DCAF6: variants seen among roughly 807,000 people sequenced by gnomAD.
The protein encoded by DCAF6 is DDB1 and CUL4 associated factor 6.
A neutral mutation model predicts 125.1 loss-of-function variants in DCAF6; 54 were observed. The observed-to-expected ratio is 0.43, with a 90% CI of 0.35 to 0.54. The LOEUF is 0.54. Ranked by LOEUF, DCAF6 falls within the 20% of genes least tolerant of loss-of-function variation. The pLI, the probability that DCAF6 is intolerant of heterozygous loss-of-function variation, is 0.01. For missense variants in DCAF6, 934 were observed against 1,161.7 expected (o/e 0.80, Z 2.85); for synonymous variants, 371 against 390.4 (o/e 0.95, Z 0.58).
chr1:168,030,251 GACA>G (rs1686897906), intron 12 of DCAF6, among the ~76,000 whole-genome samples: 1 of 152,184 alleles, frequency 6.6e-6, no homozygotes, highest in East Asian at 1.9e-4. Flanking sequence ...CTGAGGAAGA[GACA>G]TTAAGCTGAG....
chr1:167,896,674 T>A, the DCAF6 span: 2 of 1,611,806 alleles, frequency 1.2e-6, no homozygotes, highest in African/African-American at 2.7e-5. Flanking sequence ...AATTGGGGGG[T>A]GGTTTTAAGA....
At chr1:168,004,349 A>G (rs890762773) in intron 9 of DCAF6, among the ~76,000 whole-genome samples, 184 bp from the exon 10 acceptor site, 1 of 152,158 alleles carries the variant, frequency 6.6e-6, no homozygotes, top group African/African-American at 2.4e-5. Flanking sequence ...TATGTTGTAG[A>G]TAAGTTTTTA....
Position 168,006,298 on chromosome 1 carries a change from G to A in DCAF6, c.1378+1505G>A, listed in dbSNP as rs141277303. On this transcript the variant is annotated intron_variant, in intron 10 of 21. Coordinates refer to ENST00000367840, the MANE Select transcript of DCAF6 (RefSeq NM_001198956.2). The stretch of plus-strand genomic sequence containing the variant: ...TATTGAAGAAGAAAAAATATCTTTG[G>A]TGGTCATGTGATGATTATTGAAACA... 1.6e-3 allele frequency among the ~76,000 whole-genome samples: 240 copies of A among 152,144 alleles called. 5 individuals are homozygous for A. The East Asian group carries it at 0.039, about 25-fold the overall frequency.
chr1:167,979,149 G>A (rs1382241017), intron 4 of DCAF6, among the ~76,000 whole-genome samples: 1 of 151,700 alleles, frequency 6.6e-6, no homozygotes, highest in Non-Finnish European at 1.5e-5. Context: ...TATGACTTGA[G>A]TCAACTTTTT....
At chr1:167,921,243 T>A in the DCAF6 span, among the ~76,000 whole-genome samples, 4 of 151,838 alleles carry the variant, frequency 2.6e-5, no homozygotes, top group East Asian at 5.8e-4. Context: ...TTTTTTTTTT[T>A]AGACAGTCTC....
chr1:167,930,748 T>C, the DCAF6 span, among the ~76,000 whole-genome samples: 4 of 152,346 alleles, frequency 2.6e-5, no homozygotes, highest in African/African-American at 9.6e-5. Flanking sequence ...TACTGTACCA[T>C]ACAGCACTTT....
intron 12 of DCAF6, among the ~76,000 whole-genome samples, chr1:168,036,147 A>G (rs560243655): frequency 2.0e-5 from 3 of 152,324 alleles, no homozygotes; most frequent in Admixed American, 6.5e-5. Flanking sequence ...ACCATCTTAG[A>G]AAGCTTCTTG....
At chr1:168,060,986 T>C (rs1455038983) in intron 17 of DCAF6, among the ~76,000 whole-genome samples, 3 of 152,262 alleles carry the variant, frequency 2.0e-5, no homozygotes, top group Non-Finnish European at 2.9e-5. Flanking sequence ...CCTATAACTC[T>C]ACTTTCTTAG....
chr1:167,929,992 T>TA, the DCAF6 span, among the ~76,000 whole-genome samples: 1 of 152,184 alleles, frequency 6.6e-6, no homozygotes, highest in Non-Finnish European at 1.5e-5. Flanking sequence ...ACAAACTAGA[T>TA]ACAAATCCTT....
chr1:167,896,734 T>G, the DCAF6 span: 1 of 1,346,838 alleles, frequency 7.4e-7, no homozygotes, highest in Non-Finnish European at 1.1e-6. Context: ...TTCTGAGAAC[T>G]GTTTAATCCT....
At chr1:168,010,320 G>A (rs1684113974) in intron 10 of DCAF6, among the ~76,000 whole-genome samples, 1 of 152,094 alleles carries the variant, frequency 6.6e-6, no homozygotes, top group African/African-American at 2.4e-5. Flanking sequence ...GTGAATATGG[G>A]TATGAAAATA....
At chr1:167,924,419 A>G in the DCAF6 span, 1 of 1,231,446 alleles carries the variant, frequency 8.1e-7, no homozygotes, top group Non-Finnish European at 1.2e-6. Context: ...TATATCCTTC[A>G]TAAAAGTTAC....
At chr1:167,952,520 T>G (rs1029164980) in intron 2 of DCAF6, among the ~76,000 whole-genome samples, 14 of 152,178 alleles carry the variant, frequency 9.2e-5, no homozygotes, top group African/African-American at 3.1e-4. Context: ...CTGTCCCATA[T>G]CCTCTTTTTT....
Position 167,937,111 on chromosome 1 carries a change from G to C in DCAF6, c.97+103G>C, listed in dbSNP as rs1342088152. 11 of 989,336 alleles carry C rather than the reference G, an allele frequency of 1.1e-5. No homozygotes were observed. The South Asian group carries it at 1.6e-4, about 14-fold the overall frequency. The allele number at this position is 989,336 out of a possible 1,614,324, so 61.3% of individuals were successfully genotyped here. A position where few individuals can be genotyped will look rare whatever the true frequency, so the allele number is the denominator to read the frequency against. ...GAGGTGGGACGGCGTCTCGGTGGGGGCGCCCGGAGACTCTGGGGTGTTGGG... is the reference window on the plus strand; with the variant it reads ...GAGGTGGGACGGCGTCTCGGTGGGGCCGCCCGGAGACTCTGGGGTGTTGGG... On this transcript the variant is annotated intron_variant, in intron 1 of 21. Coordinates refer to ENST00000367840, the MANE Select transcript of DCAF6 (RefSeq NM_001198956.2).
chr1:168,055,334 T>TTTG (rs1558037170), intron 17 of DCAF6, among the ~76,000 whole-genome samples: 1 of 17,736 alleles, frequency 5.6e-5, no homozygotes, highest in East Asian at 9.7e-4. Context: ...GGCTTAAGTT[T>TTTG]TTTTTTTTTT....
chr1:167,879,110 T>C, the DCAF6 span, among the ~76,000 whole-genome samples: 1 of 152,162 alleles, frequency 6.6e-6, no homozygotes, highest in Admixed American at 6.5e-5. Flanking sequence ...GAGGCGTGCA[T>C]GGAGGATTGA....
At chr1:167,993,491 T>TG (rs770633784) in intron 7 of DCAF6, 51 bp downstream of exon 7, 2 of 1,504,958 alleles carry the variant, frequency 1.3e-6, no homozygotes, top group African/African-American at 2.8e-5. Context: ...GGCTCACGCC[T>TG]GTAATCCCAG....
At position 167,993,432 on chromosome 1, in the gene DCAF6, A is replaced by G; in HGVS notation, c.895A>G (p.Arg299Gly). Residue 299 changes from arginine (R) to glycine (G), a missense_variant, in exon 7 of 22, where the codon AGA becomes GGA. By Grantham distance (125) the Arg-to-Gly change is moderately radical (BLOSUM62 -2). Coordinates refer to ENST00000367840, the MANE Select transcript of DCAF6 (RefSeq NM_001198956.2). ...ELKTPSAEER[R>G]EELRQPPVKR... is the part of the protein sequence containing the mutation. Reference sequence around the variant, plus strand: ...TAAAACTCCTTCTGCGGAAGAGAGAAGAGAAGAGGTAGGTTTACTCAAAAC... The same window carrying G: ...TAAAACTCCTTCTGCGGAAGAGAGAGGAGAAGAGGTAGGTTTACTCAAAAC... 1 of 1,613,760 alleles carries G rather than the reference A, an allele frequency of 6.2e-7. No individual in the cohort carries two copies.
intron 4 of DCAF6, among the ~76,000 whole-genome samples, chr1:167,984,876 G>A (rs1332311222): frequency 6.6e-6 from 1 of 152,082 alleles, no homozygotes; most frequent in East Asian, 1.9e-4. Flanking sequence ...AGGTATACCC[G>A]AGACTGGGCA....
Sources: gnomAD v4.1 joint callset for allele counts (sites outside exome capture counted in the v4.1 genomes callset) on GRCh38, gnomAD v4.1.1 for gene constraint, MANE v1.5 for transcripts, NCBI Gene and HGNC (gene_info 2026-07-23, HGNC 2026-07-21) for gene names.